Variants in CUX1 observed in about 807,000 individuals in gnomAD.
CUX1 encodes the protein protein CASP.
Under a neutral mutation model 158.8 loss-of-function variants are expected in CUX1, and 31 were observed. That is an observed-to-expected ratio of 0.20 (90% CI 0.15 to 0.26). The LOEUF is 0.26. Among genes scored for constraint, CUX1 ranks in the 10% least tolerant of loss-of-function variants. The pLI, the probability that CUX1 is intolerant of heterozygous loss-of-function variation, is 1.00. For synonymous variants in CUX1, 879 were observed against 862.1 expected (o/e 1.02, Z -0.34); for missense variants, 1,589 against 2,014.6 (o/e 0.79, Z 4.04).
chr7:102,213,219 G>A (rs1050411035), intron 20 of CUX1, among the ~76,000 whole-genome samples: 1 of 152,228 alleles, frequency 6.6e-6, no homozygotes, highest in Non-Finnish European at 1.5e-5. Flanking sequence ...TGCAGATGGT[G>A]CAGGGTACTC....
At chr7:102,116,078 C>T (rs1831406527) in intron 8 of CUX1, among the ~76,000 whole-genome samples, 1 of 152,192 alleles carries the variant, frequency 6.6e-6, no homozygotes, top group Admixed American at 6.5e-5. Context: ...CCGCACTCTG[C>T]TCACACAGTG....
intron 3 of CUX1, among the ~76,000 whole-genome samples, chr7:102,040,589 A>G (rs1467953559): frequency 6.6e-6 from 1 of 152,214 alleles, no homozygotes; most frequent in Admixed American, 6.5e-5. Flanking sequence ...ATAATTGGGG[A>G]AATAAAGTTG....
chr7:102,115,942 C>A (rs1831392017), intron 8 of CUX1, among the ~76,000 whole-genome samples: 1 of 152,310 alleles, frequency 6.6e-6, no homozygotes, highest in African/African-American at 2.4e-5. Context: ...TCCCGGGGAG[C>A]AATGCCAGGC....
At chr7:101,836,684 CAAA>C (rs71755816) in intron 1 of CUX1, among the ~76,000 whole-genome samples, 4 of 77,826 alleles carry the variant, frequency 5.1e-5, no homozygotes, top group African/African-American at 1.5e-4. Flanking sequence ...GACTCCTTCT[CAAA>C]AAAAAAAAAA....
chr7:102,272,683 C>T (rs1248378425), intron 14 of CUX1, among the ~76,000 whole-genome samples: 2 of 152,218 alleles, frequency 1.3e-5, no homozygotes, highest in Non-Finnish European at 2.9e-5. Flanking sequence ...ACATCTCTCA[C>T]CCTCCTGCAG....
chr7:102,172,076 A>G (rs1417228724), intron 10 of CUX1, among the ~76,000 whole-genome samples: 2 of 152,138 alleles, frequency 1.3e-5, no homozygotes, highest in Non-Finnish European at 2.9e-5. Context: ...CCAATCTGTG[A>G]AACAGAATAC....
rs782751181 is a variant in CUX1, at chr7:102,178,530, G to A, written c.890G>A (p.Arg297Gln). The A allele has an allele frequency of 5.6e-6, 9 of 1,613,392 alleles. No individual in the cohort carries two copies. Among genetic ancestry groups the A allele is most frequent in the Admixed American group, 3.3e-5 (2 of 59,950 alleles). ...SLEVELAAKE[R>Q]EIAQLVEDVQ... ...GAAGTTGAGTTGGCCGCCAAGGAGC[G>A]GGAGATCGCACAGCTGGTGGAGGAC... is the stretch of plus-strand genomic sequence containing the variant. Residue 297 changes from arginine (R) to glutamine (Q), a missense_variant, in exon 11 of 24, where the codon CGG (arginine) becomes CAG (glutamine). Transcript: ENST00000292535.
At chr7:101,914,005 G>A (rs1426163404) in intron 1 of CUX1, among the ~76,000 whole-genome samples, 1 of 151,588 alleles carries the variant, frequency 6.6e-6, no homozygotes, top group Non-Finnish European at 1.5e-5. Flanking sequence ...CGCTGTGACT[G>A]CTCCTCTCTT....
intron 15 of CUX1, 64 bp from the exon 16 acceptor site, chr7:102,198,738 C>A: frequency 7.1e-7 from 1 of 1,399,304 alleles, no homozygotes; most frequent in Non-Finnish European, 1.0e-6. Context: ...TGTCACACAG[C>A]CCATATCGTC....
chr7:102,166,628 G>A (rs1173911552), intron 9 of CUX1, among the ~76,000 whole-genome samples: 1 of 152,172 alleles, frequency 6.6e-6, no homozygotes, highest in Non-Finnish European at 1.5e-5. Flanking sequence ...GATGGGCTAC[G>A]CTTACTTCTC....
chr7:102,064,292 C>A (rs1011338887), intron 3 of CUX1, among the ~76,000 whole-genome samples: 2 of 152,162 alleles, frequency 1.3e-5, no homozygotes, highest in Non-Finnish European at 2.9e-5. Context: ...TCAAGCGACT[C>A]TCCCACCTTG....
chr7:102,282,858 T>G, intron 22 of CUX1: 1 of 863,634 alleles, frequency 1.2e-6, no homozygotes, highest in Non-Finnish European at 1.7e-6. Flanking sequence ...TCCTGCCTCA[T>G]GTCCCCCACT....
intron 4 of CUX1, among the ~76,000 whole-genome samples, chr7:102,078,377 A>G (rs1827008866): frequency 6.6e-6 from 1 of 152,162 alleles, no homozygotes; most frequent in African/African-American, 2.4e-5. Context: ...CACCCAGCCT[A>G]GTAATGGTGT....
At chr7:101,828,467 C>G (rs1309139537) in intron 1 of CUX1, among the ~76,000 whole-genome samples, 4 of 152,212 alleles carry the variant, frequency 2.6e-5, no homozygotes, top group African/African-American at 9.6e-5. Flanking sequence ...ACTCTGCTGA[C>G]AGCCTGAGTG....
At chr7:101,943,279 GTATTTTTA>G (rs1807942899) in intron 2 of CUX1, among the ~76,000 whole-genome samples, 1 of 151,550 alleles carries the variant, frequency 6.6e-6, no homozygotes, top group Non-Finnish European at 1.5e-5. Context: ...GCTAATTTTT[GTATTTTTA>G]GTAGAGACGG....
At chr7:102,114,896 GGAAA>G (rs1382346373) in intron 7 of CUX1, among the ~76,000 whole-genome samples, 2 of 149,238 alleles carry the variant, frequency 1.3e-5, no homozygotes, top group Non-Finnish European at 1.5e-5. Context: ...AAAATGGAAG[GGAAA>G]GAAAGAAAGA....
intron 2 of CUX1, among the ~76,000 whole-genome samples, chr7:102,025,154 C>T (rs780988970): frequency 6.6e-6 from 1 of 152,218 alleles, no homozygotes; most frequent in Non-Finnish European, 1.5e-5. Context: ...TGGGATTACA[C>T]TGGGCCCACC....
At chr7:101,877,002 G>C (rs1422481160) in intron 1 of CUX1, among the ~76,000 whole-genome samples, 2 of 152,140 alleles carry the variant, frequency 1.3e-5, no homozygotes, top group African/African-American at 4.8e-5. Context: ...CATCCGTGCA[G>C]CTTTTCTATG....
chr7:101,928,506 G>T (rs962869355), intron 2 of CUX1, among the ~76,000 whole-genome samples: 1 of 151,244 alleles, frequency 6.6e-6, no homozygotes, highest in African/African-American at 2.4e-5. Context: ...AAGTAGCTGG[G>T]ACTACAGGCA....
Sources: allele counts gnomAD v4.1 joint callset (sites outside exome capture counted in the v4.1 genomes callset), GRCh38; gene constraint gnomAD v4.1.1; transcripts MANE v1.5; gene names NCBI Gene and HGNC (gene_info 2026-07-23, HGNC 2026-07-21).